SYNE2: variants seen among roughly 807,000 people sequenced by gnomAD.
SYNE2 encodes the protein spectrin repeat containing nuclear envelope protein 2.
Under a neutral mutation model 856.3 loss-of-function variants are expected in SYNE2, and 431 were observed. That is an observed-to-expected ratio of 0.50 (90% CI 0.47 to 0.55). SYNE2 has a LOEUF of 0.55. Among genes scored for constraint, SYNE2 ranks in the 20% least tolerant of loss-of-function variants. The pLI, the probability that SYNE2 is intolerant of heterozygous loss-of-function variation, is 0.00. For missense variants in SYNE2, 8,129 were observed against 8,023.2 expected, an observed-to-expected ratio of 1.01 and a Z score of -0.50; for synonymous variants, 2,923 against 2,872.3, an observed-to-expected ratio of 1.02 and a Z score of -0.56.
At position 64,003,097 on chromosome 14, in the gene SYNE2, T is replaced by A. The variant is rs1375576106; in HGVS notation, c.4164T>A (p.Phe1388Leu). 1 of 1,614,182 alleles carries A rather than the reference T, an allele frequency of 6.2e-7. No homozygotes were observed. Among genetic ancestry groups the A allele is most frequent in the Middle Eastern group, 1.6e-4 (1 of 6,062 alleles). Residue 1388 changes from phenylalanine (F) to leucine (L), a missense_variant, in exon 30 of 116, where the codon TTT becomes TTA. By Grantham distance (22) the Phe-to-Leu change is conservative. Transcript: ENST00000555002. ...GTTTGAAGATGCTCGATATGAGCTT[T>A]AAAGATGCTGAACGGGGTGATGACA... is the stretch of plus-strand genomic sequence containing the variant. The part of the protein sequence containing the change: ...DKCLKMLDMS[F>L]KDAERGDDTS...
At chr14:64,050,972 G>T (rs1245629041) in intron 47 of SYNE2, among the ~76,000 whole-genome samples, 1 of 150,102 alleles carries the variant, frequency 6.7e-6, no homozygotes, top group African/African-American at 2.5e-5. Context: ...AGTGAGCTGA[G>T]ATCACACCAC....
intron 84 of SYNE2, among the ~76,000 whole-genome samples, chr14:64,146,652 A>G (rs1254301217): frequency 6.6e-6 from 1 of 152,226 alleles, no homozygotes; most frequent in Non-Finnish European, 1.5e-5. Flanking sequence ...TTATGCTTTA[A>G]AAAGTTCACT....
At chr14:64,035,155 A>G (rs2097076757) in intron 45 of SYNE2, among the ~76,000 whole-genome samples, 1 of 151,856 alleles carries the variant, frequency 6.6e-6, no homozygotes, top group Admixed American at 6.6e-5. Flanking sequence ...GAGCATTTCT[A>G]ATTTGATGTT....
chr14:64,216,723 G>T (rs1478061309), intron 108 of SYNE2, among the ~76,000 whole-genome samples: 1 of 152,170 alleles, frequency 6.6e-6, no homozygotes, highest in East Asian at 1.9e-4. Context: ...TCAAGCCTTT[G>T]TCTTTTTGTT....
chr14:63,803,547 G>A (rs1211943521), intron 1 of SYNE2, among the ~76,000 whole-genome samples: 2 of 152,232 alleles, frequency 1.3e-5, no homozygotes, highest in Non-Finnish European at 2.9e-5. Context: ...AGGGCTGGCC[G>A]GCTGCTCCGA....
At chr14:64,023,018 C>G in intron 38 of SYNE2, 155 bp downstream of exon 38, 1 of 620,482 alleles carries the variant, frequency 1.6e-6, no homozygotes, top group Non-Finnish European at 2.9e-6. Flanking sequence ...CACTTGAGCT[C>G]AAGAGTTCGA....
At chr14:63,996,698 C>T (rs529067565) in intron 23 of SYNE2, among the ~76,000 whole-genome samples, 5 of 152,086 alleles carry the variant, frequency 3.3e-5, no homozygotes, top group Non-Finnish European at 5.9e-5. Flanking sequence ...CTCCTTCAGG[C>T]GGGTAGGCTC....
In SYNE2 at chr14:63,948,798, A is replaced by ATGTATGTGTGTGTGTG. The variant is rs1566884906; in HGVS notation, c.409-1026_409-1025insGTATGTGTGTGTGTGT. ...TGTGTGTGTGTATATATATATATAT[A>ATGTATGTGTGTGTGTG]TATATATATATATATATATATATAT... On this transcript the variant is annotated intron_variant, in intron 6 of 115. Coordinates refer to ENST00000555002, the MANE Select transcript of SYNE2 (RefSeq NM_182914.3). 1.5e-3 allele frequency among the ~76,000 whole-genome samples: 130 copies of ATGTATGTGTGTGTGTG among 88,296 alleles called. 4 individuals carry two copies. The highest frequency in any genetic ancestry group is 6.8e-3 in the African/African-American group (120 of 17,604). 57.9% of individuals were successfully genotyped at this position (88,296 alleles called of 152,430 possible). A position where few individuals can be genotyped will look rare whatever the true frequency, so the allele number is the denominator to read the frequency against.
At chr14:63,810,981 C>G (rs185858054) in intron 1 of SYNE2, among the ~76,000 whole-genome samples, 1 of 151,712 alleles carries the variant, frequency 6.6e-6, no homozygotes, top group Non-Finnish European at 1.5e-5. Flanking sequence ...ACTACAGGTG[C>G]CCGCCACCAC....
upstream of SYNE2, among the ~76,000 whole-genome samples, chr14:63,850,030 T>TATAAAATAC (rs2139954557): frequency 6.6e-6 from 1 of 152,174 alleles, no homozygotes; most frequent in South Asian, 2.1e-4. Flanking sequence ...GATCATTTGT[T>TATAAAATAC]ATAAAATACA....
intron 76 of SYNE2, 31 bp from the exon 77 acceptor site, chr14:64,132,234 A>G (rs1346104289): frequency 1.2e-6 from 2 of 1,610,336 alleles, no homozygotes; most frequent in African/African-American, 2.7e-5. Context: ...ACAATTTCAA[A>G]GTAAATATTA....
chr14:63,901,743 G>GT (rs1182502958), intron 1 of SYNE2, among the ~76,000 whole-genome samples: 2 of 152,290 alleles, frequency 1.3e-5, no homozygotes, highest in South Asian at 2.1e-4. Context: ...GGGGAATATA[G>GT]GGAGACCCTG....
intron 88 of SYNE2, 106 bp from the exon 89 acceptor site, chr14:64,163,296 C>A (rs577447036): frequency 7.7e-7 from 1 of 1,298,104 alleles, no homozygotes; most frequent in Non-Finnish European, 1.1e-6. Flanking sequence ...ATCATGCCTA[C>A]GTTTTCAGGG....
chr14:63,941,957 C>A lies in SYNE2; in HGVS notation c.310C>A (p.Arg104=). ...ACATGCCTTGACATTCCTAAGAAAC[C>A]GATCAGTAAGTATAAATTTTTCTTA... ...IEHALTFLRN[R]SIKLINIHVT... is the part of the protein sequence containing the mutation. The change falls in exon 5 of 116, where the codon CGA becomes AGA. Residue 104 remains arginine, a synonymous_variant. Transcript: ENST00000555002. The A allele has an allele frequency of 6.2e-7, 1 of 1,611,848 alleles. No homozygotes were observed.
chr14:63,946,589 T>A (rs2096033011), intron 6 of SYNE2, among the ~76,000 whole-genome samples: 1 of 147,788 alleles, frequency 6.8e-6, no homozygotes, highest in Admixed American at 6.8e-5. Flanking sequence ...CAGTATATAT[T>A]ATATATATAC....
intron 96 of SYNE2, among the ~76,000 whole-genome samples, chr14:64,183,912 A>G (rs2098474681): frequency 8.1e-6 from 1 of 124,166 alleles, no homozygotes; most frequent in Admixed American, 9.8e-5. Flanking sequence ...CGTGGAAAGA[A>G]GGGAGAGGGG....
chr14:64,188,518 T>C, intron 97 of SYNE2, 32 bp from the exon 98 acceptor site: 1 of 1,614,106 alleles, frequency 6.2e-7, no homozygotes, highest in Non-Finnish European at 8.5e-7. Flanking sequence ...TTCCTGGCTA[T>C]ACTCAGCTGC....
At chr14:64,185,435 G>A (rs1334077089) in intron 96 of SYNE2, among the ~76,000 whole-genome samples, 1 of 150,368 alleles carries the variant, frequency 6.7e-6, no homozygotes, top group Non-Finnish European at 1.5e-5. Context: ...TGCTGTGAAA[G>A]TAAATCTCTT....
At chr14:64,037,175 G>A (rs139092454) in intron 45 of SYNE2, among the ~76,000 whole-genome samples, 89 of 149,744 alleles carry the variant, frequency 5.9e-4, no homozygotes, top group African/African-American at 2.0e-3. Flanking sequence ...GGTGTTTCTC[G>A]CAGAGGGGGA....
Sources: allele counts gnomAD v4.1 joint callset (sites outside exome capture counted in the v4.1 genomes callset), GRCh38; gene constraint gnomAD v4.1.1; transcripts MANE v1.5; gene names NCBI Gene and HGNC (gene_info 2026-07-23, HGNC 2026-07-21).